The following GLDN variants were observed in gnomAD, a reference collection of about 807,000 sequenced individuals.
GLDN encodes gliomedin.
GLDN carries 47 observed loss-of-function variants against 56.5 expected under a neutral mutation model. That is an observed-to-expected ratio of 0.83 (90% CI 0.66 to 1.06). The LOEUF (loss-of-function observed/expected upper bound fraction) is 1.06, where lower values mean the gene tolerates loss of function less well. GLDN is among the 50% of genes least tolerant of loss of function. The probability of loss-of-function intolerance (pLI) is 0.00; values close to 1 mark genes in which losing one functional copy is unlikely to be tolerated. For missense variants in GLDN, 782 were observed against 714.3 expected, an observed-to-expected ratio of 1.09 and a Z score of -1.08; for synonymous variants, 332 against 278.8, an observed-to-expected ratio of 1.19 and a Z score of -1.90.
rs370328960 is a variant in GLDN, at chr15:51,397,618, G to A, written c.817+20G>A. The A allele has an allele frequency of 2.3e-5, 35 of 1,543,752 alleles. No homozygotes were observed. The highest frequency in any genetic ancestry group is 5.7e-5 in the Admixed American group (3 of 52,852). ...GCCCAGGTCACCACCTCTCCCCTAC[G>A]GGGCCCACCTCTTCTGTCAATTATT... is the stretch of plus-strand genomic sequence containing the variant. On this transcript the variant is annotated intron_variant, in intron 6 of 9. Coordinates refer to ENST00000335449, the MANE Select transcript of GLDN (RefSeq NM_181789.4).
In GLDN at chr15:51,383,211, A is replaced by G. The variant is rs377103017; in HGVS notation, c.416-225A>G. Reference sequence around the variant, plus strand: ...AATCTAGAGTGAGGACAGCTCAGAAATTAATCTTGGTTCATTGAAACAAGC... The same window carrying G: ...AATCTAGAGTGAGGACAGCTCAGAAGTTAATCTTGGTTCATTGAAACAAGC... On this transcript the variant is annotated intron_variant, in intron 2 of 9. Coordinates refer to ENST00000335449, the MANE Select transcript of GLDN (RefSeq NM_181789.4). Among the ~76,000 whole-genome samples the G allele has an allele frequency of 4.1e-4, 63 of 152,352 alleles. No individual in the cohort carries two copies. The South Asian group carries it at 0.012, about 30-fold the overall frequency.
chr15:51,362,087 G>A (rs952577556), intron 1 of GLDN, among the ~76,000 whole-genome samples: 1 of 152,180 alleles, frequency 6.6e-6, no homozygotes, highest in Admixed American at 6.5e-5. Context: ...GATATGTGGG[G>A]AAAGGGCCAT....
intron 1 of GLDN, among the ~76,000 whole-genome samples, chr15:51,371,471 C>G (rs551628160): frequency 6.6e-6 from 1 of 152,308 alleles, no homozygotes; most frequent in East Asian, 1.9e-4. Flanking sequence ...AGCAAGAAGT[C>G]TGTTCTTTTT....
At chr15:51,342,110 A>C in intron 1 of GLDN, 63 bp downstream of exon 1, 1 of 1,574,878 alleles carries the variant, frequency 6.3e-7, no homozygotes, top group Non-Finnish European at 8.6e-7. Flanking sequence ...GTGTGGGGCG[A>C]GGACGCCGAC....
At chr15:51,368,199 G>T (rs905194397) in intron 1 of GLDN, among the ~76,000 whole-genome samples, 2 of 152,128 alleles carry the variant, frequency 1.3e-5, no homozygotes, top group Non-Finnish European at 2.9e-5. Flanking sequence ...TGTGCTTGAT[G>T]CCATTCTGGT....
At position 51,347,681 on chromosome 15, in the gene GLDN, T is replaced by C. The variant is rs755242914; in HGVS notation, c.363+5634T>C. Among the ~76,000 whole-genome samples the C allele has an allele frequency of 2.1e-3, 316 of 152,364 alleles. 2 individuals are homozygous for C. Among genetic ancestry groups the C allele is most frequent in the Non-Finnish European group, 2.9e-3 (196 of 68,030 alleles). On this transcript the variant is annotated intron_variant, in intron 1 of 9. Transcript: ENST00000335449. ...CACTTTGGCAAAATCTGGAAAAAATTACAAATACTCTTTGACCCAGCAATC... is the reference window on the plus strand; with the variant it reads ...CACTTTGGCAAAATCTGGAAAAAATCACAAATACTCTTTGACCCAGCAATC...
intron 1 of GLDN, among the ~76,000 whole-genome samples, chr15:51,343,351 A>T (rs916565684): frequency 2.2e-5 from 3 of 135,364 alleles, no homozygotes; most frequent in African/African-American, 9.8e-5. Context: ...GGACTGCTAT[A>T]AGATGAAAAA....
downstream of GLDN, among the ~76,000 whole-genome samples, chr15:51,408,982 C>T (rs563321419): frequency 2.6e-5 from 4 of 151,190 alleles, no homozygotes; most frequent in African/African-American, 9.7e-5. Context: ...AATAGTGCCA[C>T]AATAAACATA....
downstream of GLDN, among the ~76,000 whole-genome samples, chr15:51,412,974 C>A (rs544595548): frequency 1.3e-3 from 197 of 152,180 alleles, no homozygotes; most frequent in African/African-American, 4.5e-3. Flanking sequence ...TTTTTTCTTC[C>A]CAACTCCTTA....
chr15:51,401,858 T>A (rs2038259565), intron 9 of GLDN, 115 bp downstream of exon 9: 1 of 890,766 alleles, frequency 1.1e-6, no homozygotes, highest in Non-Finnish European at 1.7e-6. Flanking sequence ...TCCCTAGGGC[T>A]GACACACTGA....
intron 8 of GLDN, 74 bp from the exon 9 acceptor site, chr15:51,401,519 C>A: frequency 1.4e-6 from 2 of 1,398,162 alleles, no homozygotes; most frequent in African/African-American, 1.4e-5. Flanking sequence ...CTTTGAAATT[C>A]CTCCCAAGGA....
At chr15:51,388,857 G>A (rs1292888308) in intron 4 of GLDN, among the ~76,000 whole-genome samples, 1 of 152,184 alleles carries the variant, frequency 6.6e-6, no homozygotes, top group Non-Finnish European at 1.5e-5. Context: ...GTTAACGATT[G>A]AGAATATAGG....
At chr15:51,391,050 G>C (rs957925639) in intron 4 of GLDN, among the ~76,000 whole-genome samples, 1 of 152,194 alleles carries the variant, frequency 6.6e-6, no homozygotes, top group African/African-American at 2.4e-5. Flanking sequence ...TACTGACAAA[G>C]ACGAGGGGAT....
At chr15:51,382,449 A>G (rs914147227) in intron 2 of GLDN, among the ~76,000 whole-genome samples, 1 of 152,140 alleles carries the variant, frequency 6.6e-6, no homozygotes, top group Non-Finnish European at 1.5e-5. Context: ...AGACCTCACC[A>G]TTCCAATATT....
intron 6 of GLDN, among the ~76,000 whole-genome samples, chr15:51,398,929 C>T (rs1179100659): frequency 1.3e-5 from 2 of 152,196 alleles, no homozygotes; most frequent in African/African-American, 4.8e-5. Flanking sequence ...CTGGGCTTAG[C>T]CTAATCTACC....
At chr15:51,397,176 G>A (rs2038147221) in intron 5 of GLDN, among the ~76,000 whole-genome samples, 1 of 152,188 alleles carries the variant, frequency 6.6e-6, no homozygotes, top group Non-Finnish European at 1.5e-5. Flanking sequence ...CTGGTGGACA[G>A]AGAGCTGCCT....
rs1185411463 is a variant in GLDN at position 51,341,990 on chromosome 15, G to A, written c.306G>A (p.Pro102=). Residue 102 remains proline (P), a synonymous_variant, in exon 1 of 10, where the codon CCG becomes CCA. Transcript: ENST00000335449. ...NKRSHSGEPA[P]HIRAESHDML... Reference sequence around the variant, plus strand: ...GCAGCCACAGCGGCGAGCCCGCGCCGCATATCCGCGCCGAGAGCCATGACA... The same window carrying A: ...GCAGCCACAGCGGCGAGCCCGCGCCACATATCCGCGCCGAGAGCCATGACA... 2 of 1,597,618 alleles carry A rather than the reference G, an allele frequency of 1.3e-6. No homozygotes were observed. Among genetic ancestry groups the A allele is most frequent in the African/African-American group, 1.3e-5 (1 of 74,850 alleles).
intron 1 of GLDN, among the ~76,000 whole-genome samples, chr15:51,343,075 G>A (rs2036914910): frequency 6.6e-6 from 1 of 152,144 alleles, no homozygotes; most frequent in South Asian, 2.1e-4. Flanking sequence ...TTTATAATTA[G>A]AAAGATTTCG....
intron 2 of GLDN, among the ~76,000 whole-genome samples, chr15:51,379,061 T>C (rs960463961): frequency 1.4e-4 from 21 of 152,268 alleles, no homozygotes; most frequent in Non-Finnish European, 2.4e-4. Context: ...CCAGGTAACC[T>C]GGCTCCCATT....
Sources: allele counts gnomAD v4.1 joint callset (sites outside exome capture counted in the v4.1 genomes callset), GRCh38; gene constraint gnomAD v4.1.1; transcripts MANE v1.5; gene names NCBI Gene and HGNC (gene_info 2026-07-23, HGNC 2026-07-21).